The following MAP1LC3B2 variants were observed in gnomAD, a reference collection of about 807,000 sequenced individuals.
MAP1LC3B2 encodes the protein microtubule associated protein 1 light chain 3 beta 2, also known as microtubule-associated protein 1 light chain 3 beta 2.
For missense variants in MAP1LC3B2, 155 were observed against 154.6 expected (o/e 1.00, Z -0.01); for synonymous variants, 62 against 57.8 (o/e 1.07, Z -0.33).
intron 1 of MAP1LC3B2, among the ~76,000 whole-genome samples, chr12:116,560,242 G>GTA (rs1423584877): frequency 1.9e-4 from 11 of 57,268 alleles, no homozygotes; most frequent in African/African-American, 6.0e-4. Flanking sequence ...ATATATATAT[G>GTA]TATGTATATG....
At chr12:116,568,580 A>G (rs565873848) in intron 1 of MAP1LC3B2, among the ~76,000 whole-genome samples, 1 of 152,202 alleles carries the variant, frequency 6.6e-6, no homozygotes, top group Non-Finnish European at 1.5e-5. Context: ...AATTTCATGT[A>G]CTGGAAACTT....
chr12:116,573,616 A>G (rs1869598369), intron 1 of MAP1LC3B2, among the ~76,000 whole-genome samples: 2 of 152,154 alleles, frequency 1.3e-5, no homozygotes, highest in South Asian at 4.2e-4. Context: ...TCCTGGATTC[A>G]AGCAATTCTC....
chr12:116,576,072 C>T lies in MAP1LC3B2; in HGVS notation c.130C>T (p.Leu44Phe). 1 of 1,614,212 alleles carries T rather than the reference C, an allele frequency of 6.2e-7. No individual in the cohort carries two copies. Among genetic ancestry groups the T allele is most frequent in the Non-Finnish European group, 8.5e-7 (1 of 1,180,042 alleles). ...AGAACGATACAAGGGTGAGAAGCAG[C>T]TTCCTGTTCTGGATAAAACAAAGTT... ...IIERYKGEKQ[L>F]PVLDKTKFLV... Residue 44 changes from leucine to phenylalanine, a missense_variant, in exon 2 of 2, where the codon CTT becomes TTT. By Grantham distance (22) the Leu-to-Phe change is conservative (BLOSUM62 0). Coordinates refer to ENST00000556529, the MANE Select transcript of MAP1LC3B2 (RefSeq NM_001085481.3).
intron 1 of MAP1LC3B2, among the ~76,000 whole-genome samples, chr12:116,561,448 C>G (rs1316515335): frequency 6.6e-6 from 1 of 152,210 alleles, no homozygotes; most frequent in African/African-American, 2.4e-5. Context: ...ACCAGGTCCT[C>G]CCCTGGCCAT....
chr12:116,561,119 A>G (rs1402254983), intron 1 of MAP1LC3B2, among the ~76,000 whole-genome samples: 1 of 152,014 alleles, frequency 6.6e-6, no homozygotes, highest in East Asian at 1.9e-4. Flanking sequence ...TCCATCTCAG[A>G]AAAAAAGCTG....
intron 1 of MAP1LC3B2, among the ~76,000 whole-genome samples, chr12:116,568,098 C>T (rs1419521886): frequency 2.6e-5 from 4 of 152,224 alleles, no homozygotes; most frequent in East Asian, 1.9e-4. Flanking sequence ...AACCAGACTC[C>T]AATGCCTTGA....
chr12:116,573,396 G>C (rs1301384866), intron 1 of MAP1LC3B2, among the ~76,000 whole-genome samples: 1 of 152,102 alleles, frequency 6.6e-6, no homozygotes, highest in Admixed American at 6.6e-5. Context: ...CAAGAACCTG[G>C]GGGCAGAAAT....
intron 1 of MAP1LC3B2, among the ~76,000 whole-genome samples, chr12:116,573,266 A>T (rs1869586084): frequency 6.6e-6 from 1 of 152,188 alleles, no homozygotes; most frequent in African/African-American, 2.4e-5. Flanking sequence ...AGGAAAAAAA[A>T]GTTTCTGTTA....
chr12:116,571,009 A>G (rs1164272692), intron 1 of MAP1LC3B2, among the ~76,000 whole-genome samples: 5 of 152,208 alleles, frequency 3.3e-5, no homozygotes, highest in Non-Finnish European at 5.9e-5. Flanking sequence ...TTATACCATG[A>G]TTTCTCTGTA....
intron 1 of MAP1LC3B2, among the ~76,000 whole-genome samples, chr12:116,560,400 C>A (rs1361360698): frequency 6.6e-6 from 1 of 151,708 alleles, no homozygotes; most frequent in African/African-American, 2.4e-5. Flanking sequence ...AGGTGCGCCA[C>A]CACGCCCAGC....
intron 1 of MAP1LC3B2, among the ~76,000 whole-genome samples, chr12:116,568,726 C>G (rs768715431): frequency 6.6e-6 from 1 of 152,184 alleles, no homozygotes; most frequent in Admixed American, 6.5e-5. Flanking sequence ...GAGGCCTGAG[C>G]TGACACACAT....
chr12:116,569,470 T>C lies in MAP1LC3B2; in HGVS notation c.-101-6372T>C, dbSNP rs1869473928. On this transcript the variant is annotated intron_variant, in intron 1 of 1. Coordinates refer to ENST00000556529, the MANE Select transcript of MAP1LC3B2 (RefSeq NM_001085481.3). ...TTTGGGCCTGTGGATTGTGGCAATG[T>C]ACTTAACATCTGTTTCATTGGCAAA... is the stretch of plus-strand genomic sequence containing the variant. 2.6e-5 allele frequency among the ~76,000 whole-genome samples: 4 copies of C among 152,216 alleles called. No individual in the cohort carries two copies. The South Asian group carries it at 6.2e-4, about 24-fold the overall frequency.
intron 1 of MAP1LC3B2, among the ~76,000 whole-genome samples, chr12:116,567,259 G>T (rs75351188): frequency 0.087 from 13,177 of 151,982 alleles, 819 homozygotes; most frequent in East Asian, 0.19. Flanking sequence ...AGCTTTACAT[G>T]TTAGCTATGT....
chr12:116,563,626 G>A (rs1390464892), intron 1 of MAP1LC3B2, among the ~76,000 whole-genome samples: 1 of 152,118 alleles, frequency 6.6e-6, no homozygotes, highest in East Asian at 1.9e-4. Context: ...GCTTTGCTGA[G>A]CTTCTTGGAT....
At chr12:116,571,823 C>T (rs1192223882) in intron 1 of MAP1LC3B2, among the ~76,000 whole-genome samples, 1 of 151,838 alleles carries the variant, frequency 6.6e-6, no homozygotes, top group Non-Finnish European at 1.5e-5. Flanking sequence ...ACTGTCTCTC[C>T]TTTGTCCTAA....
chr12:116,575,774 G>C (rs1037404002), intron 1 of MAP1LC3B2, 68 bp from the exon 2 acceptor site: 2 of 684,428 alleles, frequency 2.9e-6, no homozygotes, highest in Non-Finnish European at 4.9e-6. Context: ...ATATATGATG[G>C]TGTGTGGCTG....
intron 1 of MAP1LC3B2, among the ~76,000 whole-genome samples, chr12:116,571,478 T>C (rs1869531934): frequency 8.4e-6 from 1 of 118,686 alleles, no homozygotes; most frequent in African/African-American, 3.5e-5. Context: ...TTTTTTTTTT[T>C]TTTTTTTTTT....
chr12:116,566,971 A>AAAAAAAAAAAAAC (rs1869404081), intron 1 of MAP1LC3B2, among the ~76,000 whole-genome samples: 1 of 136,314 alleles, frequency 7.3e-6, no homozygotes, highest in African/African-American at 2.8e-5. Context: ...AAAAAAAAAA[A>AAAAAAAAAAAAAC]GAATTGAGTT....
intron 1 of MAP1LC3B2, among the ~76,000 whole-genome samples, chr12:116,573,549 G>T (rs569821141): frequency 3.3e-5 from 5 of 151,738 alleles, no homozygotes; most frequent in Admixed American, 1.3e-4. Flanking sequence ...AGACAGAGTC[G>T]CTCTGTCGCC....
Sources: gnomAD v4.1 joint callset for allele counts (sites outside exome capture counted in the v4.1 genomes callset) on GRCh38, gnomAD v4.1.1 for gene constraint, MANE v1.5 for transcripts, NCBI Gene and HGNC (gene_info 2026-07-23, HGNC 2026-07-21) for gene names.